BDH2: variants seen among roughly 807,000 people sequenced by gnomAD.
The protein encoded by BDH2 is dehydrogenase/reductase SDR family member 6.
Under a neutral mutation model 33.2 loss-of-function variants are expected in BDH2, and 24 were observed. The ratio of observed to expected loss-of-function variants is 0.72; its 90% CI spans 0.52 to 1.02. The LOEUF is 1.02. BDH2 is among the 50% of genes least tolerant of loss of function. The pLI, the probability that BDH2 is intolerant of heterozygous loss-of-function variation, is 0.00. For synonymous variants in BDH2, 81 were observed against 101.6 expected (o/e 0.80, Z 1.22); for missense variants, 249 against 301.6 (o/e 0.83, Z 1.29).
chr4:103,093,124 A>G (rs1380378091), intron 3 of BDH2, among the ~76,000 whole-genome samples: 3 of 152,100 alleles, frequency 2.0e-5, no homozygotes, highest in African/African-American at 7.2e-5. Context: ...TATAATTGAG[A>G]AATAAAAATT....
intron 3 of BDH2, 69 bp from the exon 4 acceptor site, chr4:103,092,765 G>A (rs1172364514): frequency 2.8e-6 from 3 of 1,087,032 alleles, no homozygotes; most frequent in Non-Finnish European, 4.2e-6. Flanking sequence ...GTTTTGAAGT[G>A]TGAAGTGTGA....
At chr4:103,092,408 T>G in intron 4 of BDH2, 192 bp downstream of exon 4, 1 of 584,984 alleles carries the variant, frequency 1.7e-6, no homozygotes. Context: ...CCCCAGATCA[T>G]GTCAAACTCT....
intron 9 of BDH2, among the ~76,000 whole-genome samples, chr4:103,080,479 C>T (rs1747454165): frequency 6.6e-6 from 1 of 152,074 alleles, no homozygotes; most frequent in African/African-American, 2.4e-5. Context: ...AAGACTCAAA[C>T]AGTCTAAATT....
rs1445684654 is a variant in BDH2, at chr4:103,096,248, G to A, written c.7C>T (p.Arg3Ter). Residue 3 changes from arginine (R) to a stop codon, truncating the protein, a stop_gained, in exon 2 of 10, where the codon CGA becomes TGA. Coordinates refer to ENST00000296424, the MANE Select transcript of BDH2 (RefSeq NM_020139.4). LOFTEE classifies it high-confidence loss of function. ...AGGATGATGACTTTCCCATCAAGTC[G>A]ACCCATAATGGAACCTGTGGTTTAA... The part of the protein sequence containing the change: MG[R>*]LDGKVIILTA... 1.4e-5 allele frequency: 22 copies of A among 1,613,484 alleles called. No individual in the cohort carries two copies. The highest frequency in any genetic ancestry group is 1.8e-5 in the Non-Finnish European group (21 of 1,179,564).
chr4:103,082,260 G>A, intron 8 of BDH2, 87 bp from the exon 9 acceptor site: 1 of 1,121,636 alleles, frequency 8.9e-7, no homozygotes, highest in Non-Finnish European at 1.3e-6. Context: ...AAAGGCAAGA[G>A]AATCCACTGG....
At chr4:103,086,321 A>T in intron 6 of BDH2, 159 bp downstream of exon 6, 1 of 1,338,258 alleles carries the variant, frequency 7.5e-7, no homozygotes, top group African/African-American at 1.5e-5. Flanking sequence ...AGAGCAAAAG[A>T]TCTGTGGTTA....
chr4:103,080,715 T>A (rs1440820281), intron 9 of BDH2, among the ~76,000 whole-genome samples: 1 of 152,244 alleles, frequency 6.6e-6, no homozygotes, highest in Non-Finnish European at 1.5e-5. Context: ...AAGGTACTTT[T>A]GTAGCACATT....
chr4:103,098,861 C>G (rs181239085), intron 1 of BDH2: 1 of 152,264 alleles, frequency 6.6e-6, no homozygotes, highest in Admixed American at 6.5e-5. Flanking sequence ...GAGGAGCAGA[C>G]TAACACAATT....
At chr4:103,090,903 T>C (rs572355221) in intron 5 of BDH2, among the ~76,000 whole-genome samples, 1 of 152,326 alleles carries the variant, frequency 6.6e-6, no homozygotes, top group East Asian at 1.9e-4. Context: ...GGAACCTGCC[T>C]TATAGAAGGC....
intron 3 of BDH2, among the ~76,000 whole-genome samples, chr4:103,092,898 G>T (rs1056392866): frequency 1.5e-4 from 23 of 152,154 alleles, no homozygotes; most frequent in African/African-American, 5.3e-4. Flanking sequence ...TAACCCATCC[G>T]TCCCTCTTCC....
chr4:103,095,271 C>T lies in BDH2; in HGVS notation c.83G>A (p.Arg28Lys). The T allele has an allele frequency of 2.5e-6, 4 of 1,613,422 alleles. No homozygotes were observed. In the South Asian group the frequency reaches 3.3e-5, roughly 13 times the overall value. The change falls in exon 3 of 10, where the codon AGA becomes AAA. Residue 28 changes from arginine (R) to lysine (K), a missense_variant. Transcript: ENST00000296424. ...IGQAAALAFA[R>K]EGAKVIATDI... ...TGTGGCTATGACTTTGGCACCTTCTCTTGCAAAAGCCTAGTAGACACAAAG... is the reference window on the plus strand; with the variant it reads ...TGTGGCTATGACTTTGGCACCTTCTTTTGCAAAAGCCTAGTAGACACAAAG...
chr4:103,099,511 A>G (rs1748551234), intron 1 of BDH2: 1 of 152,166 alleles, frequency 6.6e-6, no homozygotes, highest in Admixed American at 6.5e-5. Context: ...ATTAGCAGAG[A>G]CACAAACAGC....
At chr4:103,085,498 T>G in intron 6 of BDH2, 36 bp from the exon 7 acceptor site, 3 of 1,542,390 alleles carry the variant, frequency 1.9e-6, no homozygotes, top group Non-Finnish European at 2.7e-6. Flanking sequence ...ATTGAAGGAA[T>G]AAAAAATGTA....
intron 6 of BDH2, 71 bp downstream of exon 6, chr4:103,086,409 G>A: frequency 6.5e-7 from 1 of 1,543,256 alleles, no homozygotes; most frequent in Non-Finnish European, 8.7e-7. Context: ...TGCTATGCCT[G>A]TTCCCAAACG....
Position 103,095,329 on chromosome 4 carries a change from T to C in BDH2, c.73-48A>G, listed in dbSNP as rs201426266. ...AAATCCTTTGTTTACTTGAATAAAC[T>C]GTGCTCATGAATGGAACATCATGTG... is the stretch of plus-strand genomic sequence containing the variant. On this transcript the variant is annotated intron_variant, in intron 2 of 9. Coordinates refer to ENST00000296424, the MANE Select transcript of BDH2 (RefSeq NM_020139.4). 8 of 1,426,388 alleles carry C rather than the reference T, an allele frequency of 5.6e-6. No individual in the cohort carries two copies. The East Asian group carries it at 1.8e-4, about 33-fold the overall frequency. 88.4% of individuals were successfully genotyped at this position (1,426,388 alleles called of 1,614,324 possible).
chr4:103,092,688 T>G lies in BDH2; in HGVS notation c.160A>C (p.Thr54Pro). 6.2e-7 allele frequency: 1 copy of G among 1,609,224 alleles called. No homozygotes were observed. The highest frequency in any genetic ancestry group is 1.7e-5 in the Admixed American group (1 of 59,922). ...TTCTTTGTGACATCAAGGACACGAG[T>G]TTGAATACCTGAAAAATAAAACAAG... ...QELEKYPGIQ[T>P]RVLDVTKKKQ... is the part of the protein sequence containing the mutation. The change falls in exon 4 of 10, where the codon ACT becomes CCT. Residue 54 changes from threonine (T) to proline (P), a missense_variant. By Grantham distance (38) the Thr-to-Pro change is conservative. Transcript: ENST00000296424.
rs1445095684 is a variant in BDH2, at chr4:103,086,512, A to G, written c.386T>C (p.Ile129Thr). ...GCTGGAAGCCACAGAAGACATGTTG[A>G]TAATATTGCCAGATTTCTGAGCAAG... ...KMLAQKSGNI[I>T]NMSSVASSVK... Residue 129 changes from isoleucine to threonine, a missense_variant, in exon 6 of 10, where the codon ATC becomes ACC. Physicochemically the swap from Ile to Thr is moderately conservative, Grantham distance 89 (BLOSUM62 -1). Transcript: ENST00000296424. 3 of 1,610,312 alleles carry G rather than the reference A, an allele frequency of 1.9e-6. No homozygotes were observed. In the South Asian group the frequency reaches 3.3e-5, roughly 18 times the overall value.
At chr4:103,096,333 A>G in intron 1 of BDH2, 59 bp from the exon 2 acceptor site, 2 of 1,112,112 alleles carry the variant, frequency 1.8e-6, no homozygotes, top group Non-Finnish European at 2.7e-6. Context: ...GCAGGCAGTA[A>G]CATCTAGAAT....
At chr4:103,089,385 A>T (rs986212368) in intron 5 of BDH2, among the ~76,000 whole-genome samples, 33 of 152,334 alleles carry the variant, frequency 2.2e-4, no homozygotes, top group African/African-American at 7.7e-4. Context: ...AGAGTCCAAG[A>T]CCAGGATTCG....
Sources: allele counts gnomAD v4.1 joint callset (sites outside exome capture counted in the v4.1 genomes callset), GRCh38; gene constraint gnomAD v4.1.1; transcripts MANE v1.5; gene names NCBI Gene and HGNC (gene_info 2026-07-23, HGNC 2026-07-21).